TMEM272: variants seen among roughly 807,000 people sequenced by gnomAD.
TMEM272 encodes the protein transmembrane protein 272, also known as long intergenic non-protein coding RNA 282.
Under a neutral mutation model 3.7 loss-of-function variants are expected in TMEM272, and 8 were observed. The ratio of observed to expected loss-of-function variants is 2.17; its 90% CI spans 1.27 to 3.91. The LOEUF (loss-of-function observed/expected upper bound fraction) is 3.91. Among genes scored for constraint, TMEM272 ranks in the 30% most tolerant of loss-of-function variants. TMEM272 has a pLI of 0.00. For synonymous variants in TMEM272, 63 were observed against 39.8 expected, an observed-to-expected ratio of 1.58 and a Z score of -2.20; for missense variants, 166 against 91.5, an observed-to-expected ratio of 1.81 and a Z score of -3.32.
At chr13:51,876,923 C>G in the TMEM272 span, among the ~76,000 whole-genome samples, 4,270 of 152,220 alleles carry the variant, frequency 0.028, 95 homozygotes, top group South Asian at 0.083. Flanking sequence ...AATCTGGAAA[C>G]TAGCAGGAAA....
At chr13:51,909,473 C>G in the TMEM272 span, 2 of 902,050 alleles carry the variant, frequency 2.2e-6, no homozygotes, top group African/African-American at 3.3e-5. Flanking sequence ...ATAACTCAGT[C>G]ATTAACTTTC....
the TMEM272 span, among the ~76,000 whole-genome samples, chr13:51,929,741 G>A: frequency 1.4e-4 from 22 of 152,354 alleles, no homozygotes; most frequent in South Asian, 4.6e-3. Context: ...GTCCCGGACA[G>A]TCAACTGAAC....
the TMEM272 span, among the ~76,000 whole-genome samples, chr13:51,926,560 G>C: frequency 6.7e-6 from 1 of 148,394 alleles, no homozygotes; most frequent in South Asian, 2.2e-4. Context: ...TCAGGAAGAA[G>C]GGAAGAGCCC....
upstream of TMEM272, among the ~76,000 whole-genome samples, chr13:51,848,628 A>C (rs1956317815): frequency 6.6e-6 from 1 of 152,216 alleles, no homozygotes; most frequent in South Asian, 2.1e-4. Flanking sequence ...TGAGTGAATG[A>C]GCACGTGCCT....
At chr13:51,825,661 T>A (rs1185083461) in intron 3 of TMEM272, among the ~76,000 whole-genome samples, 2 of 147,492 alleles carry the variant, frequency 1.4e-5, no homozygotes, top group Non-Finnish European at 3.0e-5. Context: ...GGAGACAGGG[T>A]CTCAGTCCTG....
chr13:51,918,803 CTTTTTTTT>C, the TMEM272 span, among the ~76,000 whole-genome samples: 60 of 81,040 alleles, frequency 7.4e-4, no homozygotes, highest in African/African-American at 2.5e-3. Flanking sequence ...TTTTGAAATT[CTTTTTTTT>C]TTTTTTTTTT....
At chr13:51,832,571 C>T (rs1956182365) in intron 2 of TMEM272, among the ~76,000 whole-genome samples, 4 of 152,118 alleles carry the variant, frequency 2.6e-5, no homozygotes, top group East Asian at 1.9e-4. Context: ...TTTCCACCTC[C>T]CTGTATCTGT....
chr13:51,842,414 G>C (rs1956271016), intron 1 of TMEM272, among the ~76,000 whole-genome samples: 1 of 152,226 alleles, frequency 6.6e-6, no homozygotes, highest in African/African-American at 2.4e-5. Context: ...GCATGTAGGA[G>C]ATAGATAAGC....
At chr13:51,888,046 C>CTT in the TMEM272 span, among the ~76,000 whole-genome samples, 1,127 of 141,864 alleles carry the variant, frequency 7.9e-3, 28 homozygotes, top group African/African-American at 0.027. Context: ...TTGACACAAT[C>CTT]TTTTTTTTTT....
intron 4 of TMEM272, among the ~76,000 whole-genome samples, chr13:51,820,924 A>G (rs1040323299): frequency 6.6e-6 from 1 of 152,214 alleles, no homozygotes; most frequent in African/African-American, 2.4e-5. Flanking sequence ...GGGGACATTT[A>G]ACAGTGAGGT....
Position 51,816,465 on chromosome 13 carries a change from C to T in TMEM272, c.*286G>A. 1 of 320,514 alleles carries T rather than the reference C, an allele frequency of 3.1e-6. No individual in the cohort carries two copies. Among genetic ancestry groups the T allele is most frequent in the Non-Finnish European group, 5.8e-6 (1 of 172,164 alleles). The allele number at this position is 320,514 out of a possible 1,614,324, so 19.9% of individuals were successfully genotyped here. On this transcript the variant is annotated 3_prime_UTR_variant, in exon 5 of 5. Transcript: ENST00000629372. ...TTCTTTGCCTCCCACACTTCATACC[C>T]TCAAAAACAATTATCCCTTTGAAAA...
At chr13:51,913,035 T>C in the TMEM272 span, among the ~76,000 whole-genome samples, 1 of 152,206 alleles carries the variant, frequency 6.6e-6, no homozygotes, top group East Asian at 1.9e-4. Flanking sequence ...TTCCTCTTTC[T>C]GGGCAAAGCC....
At position 51,835,492 on chromosome 13, in the gene TMEM272, G is replaced by C. The variant is rs150214954; in HGVS notation, c.58+2981C>G. Reference sequence around the variant, plus strand: ...GCTCGCCTCGGTCTCCCAAAGTGCTGGGATTACAGGCGTGAGCCACTGCAC... The same window carrying C: ...GCTCGCCTCGGTCTCCCAAAGTGCTCGGATTACAGGCGTGAGCCACTGCAC... On this transcript the variant is annotated intron_variant, in intron 2 of 4. Transcript: ENST00000629372. Among the ~76,000 whole-genome samples the C allele has an allele frequency of 6.9e-3, 1,044 of 152,226 alleles. 19 individuals carry two copies. Among genetic ancestry groups the C allele is most frequent in the African/African-American group, 0.024 (1,002 of 41,532 alleles).
the TMEM272 span, among the ~76,000 whole-genome samples, chr13:51,897,974 C>T: frequency 6.9e-6 from 1 of 144,230 alleles, no homozygotes; most frequent in Non-Finnish European, 1.5e-5. Flanking sequence ...CCTGTAATTC[C>T]AGCACTTTGG....
At chr13:51,845,914 T>C (rs77064067), upstream of TMEM272, among the ~76,000 whole-genome samples, 4,530 of 152,340 alleles carry the variant, frequency 0.03, 106 homozygotes, top group Non-Finnish European at 0.044. Flanking sequence ...TTAGAGAAAC[T>C]GGCGTCACAT....
chr13:51,865,276 G>A, the TMEM272 span: 4 of 911,308 alleles, frequency 4.4e-6, no homozygotes, highest in East Asian at 2.5e-5. Flanking sequence ...ACAGAACCAA[G>A]GGCCGTCCCC....
rs752076945 is a variant in TMEM272, at chr13:51,816,841, C to CA, written c.473_474insT (p.Leu159AlafsTer28). The CA allele has an allele frequency of 2.7e-4, 189 of 702,860 alleles. No individual in the cohort carries two copies. Among genetic ancestry groups the CA allele is most frequent in the Non-Finnish European group, 4.2e-4 (160 of 385,008 alleles). 43.5% of individuals were successfully genotyped at this position (702,860 alleles called of 1,614,324 possible). ...GCAAGACCAGCACAGTGTGACTGAG[C>CA]GCCAGGACTCCGACTGCAAAGAGGT... On this transcript the variant is annotated frameshift_variant, in exon 5 of 5. Transcript: ENST00000629372. LOFTEE classifies it low-confidence loss of function (END_TRUNC).
chr13:51,858,715 G>A, the TMEM272 span, among the ~76,000 whole-genome samples: 6 of 152,282 alleles, frequency 3.9e-5, no homozygotes, highest in South Asian at 1.2e-3. Context: ...AGAAGGGTAA[G>A]AAAAACGAAA....
the TMEM272 span, chr13:51,910,713 C>T: frequency 5.1e-6 from 2 of 391,676 alleles, no homozygotes; most frequent in African/African-American, 2.1e-5. Flanking sequence ...CTGTTCGGAA[C>T]TCAAATCTGC....
Sources: allele counts gnomAD v4.1 joint callset (sites outside exome capture counted in the v4.1 genomes callset), GRCh38; gene constraint gnomAD v4.1.1; transcripts MANE v1.5; gene names NCBI Gene and HGNC (gene_info 2026-07-23, HGNC 2026-07-21).